The following MAP4K5 variants were observed in gnomAD, a reference collection of about 807,000 sequenced individuals.
The protein encoded by MAP4K5 is MAPK/ERK kinase kinase kinase 5.
A neutral mutation model predicts 135.6 loss-of-function variants in MAP4K5; 82 were observed. The observed-to-expected ratio is 0.60, with a 90% confidence interval of 0.51 to 0.73. The LOEUF is 0.73. Ranked by LOEUF, MAP4K5 falls within the 30% of genes least tolerant of loss-of-function variation. The pLI, the probability that MAP4K5 is intolerant of heterozygous loss-of-function variation, is 0.00. For missense variants in MAP4K5, 907 were observed against 1,010.9 expected, an observed-to-expected ratio of 0.90 and a Z score of 1.39; for synonymous variants, 347 against 335.0, an observed-to-expected ratio of 1.04 and a Z score of -0.39.
At chr14:50,464,179 T>A in intron 11 of MAP4K5, 46 bp from the exon 12 acceptor site, 1 of 921,640 alleles carries the variant, frequency 1.1e-6, no homozygotes, top group Non-Finnish European at 1.7e-6. Context: ...TACTATTACG[T>A]TTCGGTGTTA....
At chr14:50,493,307 G>A (rs1349598844) in intron 3 of MAP4K5, among the ~76,000 whole-genome samples, 5 of 152,038 alleles carry the variant, frequency 3.3e-5, no homozygotes, top group Admixed American at 6.6e-5. Context: ...TCTCCATTAC[G>A]TTGCTCAGGC....
chr14:50,455,370 T>C (rs746631643), intron 14 of MAP4K5, among the ~76,000 whole-genome samples: 4 of 152,028 alleles, frequency 2.6e-5, no homozygotes, highest in African/African-American at 7.2e-5. Context: ...AATGGAATAC[T>C]ACAGAACTGC....
chr14:50,495,107 A>C (rs987153945), intron 3 of MAP4K5, among the ~76,000 whole-genome samples: 2 of 152,228 alleles, frequency 1.3e-5, no homozygotes, highest in African/African-American at 4.8e-5. Context: ...TGTTCACCAA[A>C]GGACAAAATC....
In MAP4K5 at chr14:50,545,352, T is replaced by C. The variant is rs117145739; in HGVS notation, c.-179-2768A>G. Among the ~76,000 whole-genome samples, 1,432 of 152,330 alleles carry C rather than the reference T, an allele frequency of 9.4e-3. 6 individuals are homozygous for C. The highest frequency in any genetic ancestry group is 0.02 in the Middle Eastern group (6 of 294). On this transcript the variant is annotated intron_variant, in intron 1 of 8. Coordinates refer to the MAP4K5 transcript ENST00000555216. Reference sequence around the variant, plus strand: ...GGGAGACCATTATTCTATAAAATCCTGGGCTTTTCTTATAACAATTGGCAT... The same window carrying C: ...GGGAGACCATTATTCTATAAAATCCCGGGCTTTTCTTATAACAATTGGCAT...
intron 8 of MAP4K5, 78 bp from the exon 9 acceptor site, chr14:50,475,227 G>T: frequency 2.0e-6 from 2 of 1,013,830 alleles, no homozygotes; most frequent in East Asian, 2.4e-5. Context: ...CTTAGGCATG[G>T]CAGTATTAAT....
At chr14:50,433,960 C>G (rs896582299) in intron 28 of MAP4K5, among the ~76,000 whole-genome samples, 1 of 152,106 alleles carries the variant, frequency 6.6e-6, no homozygotes, top group South Asian at 2.1e-4. Context: ...TGGAAAGGCT[C>G]GGAAGCAACA....
intron 2 of MAP4K5, among the ~76,000 whole-genome samples, chr14:50,530,086 G>A (rs2038353882): frequency 1.3e-5 from 2 of 152,198 alleles, no homozygotes; most frequent in African/African-American, 2.4e-5. Flanking sequence ...GGCCTAGTGT[G>A]CAATGAATAT....
intron 2 of MAP4K5, among the ~76,000 whole-genome samples, chr14:50,517,981 C>G (rs779287429): frequency 5.9e-5 from 9 of 152,072 alleles, no homozygotes; most frequent in Non-Finnish European, 1.3e-4. Flanking sequence ...CATCAGGTAC[C>G]TCAGATACAA....
chr14:50,463,602 G>C (rs2036759666), intron 12 of MAP4K5, among the ~76,000 whole-genome samples: 1 of 152,196 alleles, frequency 6.6e-6, no homozygotes, highest in African/African-American at 2.4e-5. Context: ...AAAATTTGCT[G>C]GTCAGGCATG....
chr14:50,521,897 A>C (rs2038160464), intron 2 of MAP4K5, among the ~76,000 whole-genome samples: 1 of 152,192 alleles, frequency 6.6e-6, no homozygotes, highest in Non-Finnish European at 1.5e-5. Flanking sequence ...AACTCTCCAT[A>C]TACAAATACT....
chr14:50,503,558 T>C (rs553915114), intron 3 of MAP4K5, among the ~76,000 whole-genome samples: 1 of 152,144 alleles, frequency 6.6e-6, no homozygotes, highest in South Asian at 2.1e-4. Context: ...AATTCAGAAT[T>C]GCAGGATTTA....
intron 11 of MAP4K5, among the ~76,000 whole-genome samples, chr14:50,465,910 C>T (rs2036821880): frequency 6.6e-6 from 1 of 152,064 alleles, no homozygotes; most frequent in South Asian, 2.1e-4. Context: ...ACCATCTCTA[C>T]TAAAAATACA....
At chr14:50,556,494 A>C (rs1381148416) in intron 1 of MAP4K5, among the ~76,000 whole-genome samples, 2 of 152,188 alleles carry the variant, frequency 1.3e-5, no homozygotes, top group African/African-American at 4.8e-5. Flanking sequence ...CTGGGATTAC[A>C]GGCGTGAGCC....
chr14:50,420,461 A>T (rs1595407560), intron 32 of MAP4K5, among the ~76,000 whole-genome samples: 1 of 151,502 alleles, frequency 6.6e-6, no homozygotes, highest in South Asian at 2.1e-4. Context: ...CAAGACCCCA[A>T]CTCTACAAAA....
At chr14:50,438,282 C>A in intron 23 of MAP4K5, 188 bp from the exon 24 acceptor site, 2 of 349,674 alleles carry the variant, frequency 5.7e-6, no homozygotes, top group South Asian at 5.8e-5. Context: ...CTTAATGATG[C>A]CAGCACACAA....
At chr14:50,493,324 C>A (rs1356959788) in intron 3 of MAP4K5, among the ~76,000 whole-genome samples, 1 of 152,116 alleles carries the variant, frequency 6.6e-6, no homozygotes, top group Non-Finnish European at 1.5e-5. Flanking sequence ...AGGCTGACAC[C>A]ATGAGCATTT....
At chr14:50,428,542 C>T (rs2139641700) in intron 30 of MAP4K5, 120 bp downstream of exon 30, 1 of 591,856 alleles carries the variant, frequency 1.7e-6, no homozygotes, top group East Asian at 3.4e-5. Context: ...AGGCGTAGAA[C>T]ATTTCTATCT....
rs530150405 is a variant in MAP4K5 at position 50,435,085 on chromosome 14, CA to C, written c.1883-21del. ...TTCTGACTGGAAAGAAATAAACAAA[CA>C]AAAAACCCAGACACACTCAAAATAC... On this transcript the variant is annotated intron_variant, in intron 26 of 32. Transcript: ENST00000682126. The C allele has an allele frequency of 1.2e-3, 1,696 of 1,364,536 alleles. 17 individuals carry two copies. The African/African-American group carries it at 0.021, about 17-fold the overall frequency. 84.5% of individuals were successfully genotyped at this position (1,364,536 alleles called of 1,614,324 possible).
At chr14:50,437,859 C>T (rs1034486612) in intron 25 of MAP4K5, 35 bp downstream of exon 25, 1 of 1,226,138 alleles carries the variant, frequency 8.2e-7, no homozygotes, top group Admixed American at 1.8e-5. Context: ...ACACTAATTC[C>T]CCTCATTCAG....
Sources: allele counts gnomAD v4.1 joint callset (sites outside exome capture counted in the v4.1 genomes callset), GRCh38; gene constraint gnomAD v4.1.1; transcripts MANE v1.5; gene names NCBI Gene and HGNC (gene_info 2026-07-23, HGNC 2026-07-21).